CDK14: variants seen among roughly 807,000 people sequenced by gnomAD.
The protein encoded by CDK14 is cyclin-dependent kinase 14.
Under a neutral mutation model 60.7 loss-of-function variants are expected in CDK14, and 34 were observed. The ratio of observed to expected loss-of-function variants is 0.56; its 90% CI spans 0.43 to 0.75. The LOEUF is 0.75. Ranked by LOEUF, CDK14 falls within the 30% of genes least tolerant of loss-of-function variation. CDK14 has a pLI of 0.00. For missense variants in CDK14, 482 were observed against 564.1 expected (o/e 0.85, Z 1.47); for synonymous variants, 197 against 203.7 (o/e 0.97, Z 0.28).
At chr7:91,035,540 T>A (rs529724818) in intron 10 of CDK14, among the ~76,000 whole-genome samples, 2 of 152,034 alleles carry the variant, frequency 1.3e-5, no homozygotes, top group East Asian at 3.9e-4. Flanking sequence ...GCATTTCCAG[T>A]CAGCCCAATG....
intron 14 of CDK14, among the ~76,000 whole-genome samples, chr7:91,195,461 C>T (rs1802506623): frequency 6.6e-6 from 1 of 152,134 alleles, no homozygotes. Flanking sequence ...CCTAAGGCGG[C>T]ATCTTTCTGA....
At chr7:90,871,837 ATATCATCTCC>A (rs1791382169) in intron 6 of CDK14, among the ~76,000 whole-genome samples, 1 of 152,222 alleles carries the variant, frequency 6.6e-6, no homozygotes, top group African/African-American at 2.4e-5. Flanking sequence ...TGGCTACATC[ATATCATCTCC>A]TGAGTTGAGT....
At chr7:91,201,875 T>C (rs1026019903) in intron 14 of CDK14, among the ~76,000 whole-genome samples, 3 of 152,240 alleles carry the variant, frequency 2.0e-5, no homozygotes, top group Non-Finnish European at 4.4e-5. Flanking sequence ...ATGCATGAAG[T>C]GCAGCTGCAG....
At chr7:90,753,106 A>C (rs1803912729) in intron 4 of CDK14, among the ~76,000 whole-genome samples, 1 of 152,190 alleles carries the variant, frequency 6.6e-6, no homozygotes, top group South Asian at 2.1e-4. Flanking sequence ...TATTGCAAAA[A>C]ATTGAGGAAG....
At chr7:90,861,683 A>G (rs34185523) in intron 5 of CDK14, among the ~76,000 whole-genome samples, 24,803 of 152,160 alleles carry the variant, frequency 0.16, 2,107 homozygotes, top group Non-Finnish European at 0.19. Context: ...GATCCTGTGG[A>G]AATGAAAAAG....
intron 4 of CDK14, among the ~76,000 whole-genome samples, chr7:90,755,177 A>G (rs1804005478): frequency 1.3e-5 from 2 of 152,232 alleles, no homozygotes. Flanking sequence ...TGTTAATTAC[A>G]GCACTATTCA....
intron 5 of CDK14, among the ~76,000 whole-genome samples, chr7:90,852,299 C>T (rs188424849): frequency 6.6e-5 from 10 of 152,260 alleles, no homozygotes; most frequent in South Asian, 6.2e-4. Context: ...AGAATAATCT[C>T]AAGCTTATTA....
chr7:90,729,347 T>TTTTG (rs1802764424), intron 3 of CDK14, among the ~76,000 whole-genome samples: 2 of 117,500 alleles, frequency 1.7e-5, no homozygotes, highest in Admixed American at 8.8e-5. Context: ...TATCAAGGTT[T>TTTTG]TTTTTTTTTT....
chr7:90,605,860 C>G (rs1799405964), intron 2 of CDK14, among the ~76,000 whole-genome samples: 1 of 152,086 alleles, frequency 6.6e-6, no homozygotes, highest in Non-Finnish European at 1.5e-5. Flanking sequence ...TTTCGAAAAC[C>G]TTTTTTCTTG....
At chr7:90,863,656 A>C (rs554049469) in intron 6 of CDK14, among the ~76,000 whole-genome samples, 1 of 121,662 alleles carries the variant, frequency 8.2e-6, no homozygotes. Flanking sequence ...TCTCAAAAGC[A>C]TGCTTATTAA....
chr7:91,205,832 A>G (rs948813744), intron 14 of CDK14, among the ~76,000 whole-genome samples: 4 of 151,898 alleles, frequency 2.6e-5, no homozygotes, highest in African/African-American at 7.3e-5. Flanking sequence ...GTCTTGCTCT[A>G]TTGCCCAGGC....
At position 91,196,141 on chromosome 7, in the gene CDK14, C is replaced by G. The variant is rs527924064; in HGVS notation, c.*29-11024C>G. Among the ~76,000 whole-genome samples the G allele has an allele frequency of 3.3e-5, 5 of 152,332 alleles. No homozygotes were observed. In the South Asian group the frequency reaches 8.3e-4, roughly 25 times the overall value. On this transcript the variant is annotated intron_variant, in intron 14 of 14. Coordinates refer to ENST00000380050, the MANE Select transcript of CDK14 (RefSeq NM_001287135.2). ...GTCCTAGCCACCTCCCCTTCCCAAT[C>G]TTGAGCTCCTTAAAGACAGCAGTGG...
At chr7:90,789,360 GTATA>G (rs955047024) in intron 4 of CDK14, among the ~76,000 whole-genome samples, 1 of 151,916 alleles carries the variant, frequency 6.6e-6, no homozygotes, top group Non-Finnish European at 1.5e-5. Flanking sequence ...ATATTTATGT[GTATA>G]TATATGTGTG....
intron 2 of CDK14, among the ~76,000 whole-genome samples, chr7:90,627,839 G>T (rs192026169): frequency 6.6e-6 from 1 of 152,190 alleles, no homozygotes; most frequent in Non-Finnish European, 1.5e-5. Flanking sequence ...AGCATTTAGC[G>T]AAATCCCTGG....
intron 5 of CDK14, among the ~76,000 whole-genome samples, chr7:90,813,766 TTAATG>T (rs1374189234): frequency 6.6e-6 from 1 of 152,008 alleles, no homozygotes; most frequent in African/African-American, 2.4e-5. Context: ...AAAAATGATC[TTAATG>T]TAATGTAATA....
At chr7:90,987,720 G>GAA (rs374565491) in intron 10 of CDK14, among the ~76,000 whole-genome samples, 1 of 148,636 alleles carries the variant, frequency 6.7e-6, no homozygotes, top group African/African-American at 2.5e-5. Context: ...AAATCACTGA[G>GAA]AAAAAAAAAA....
chr7:90,790,629 C>T lies in CDK14; in HGVS notation c.521C>T (p.Thr174Ile). 1 of 1,612,318 alleles carries T rather than the reference C, an allele frequency of 6.2e-7. No individual in the cohort carries two copies. Residue 174 changes from threonine to isoleucine, a missense_variant, in exon 5 of 15, where the codon ACA becomes ATA. By Grantham distance (89) the Thr-to-Ile change is moderately conservative (BLOSUM62 -1). Coordinates refer to ENST00000380050, the MANE Select transcript of CDK14 (RefSeq NM_001287135.2). ...ATCAGGCTGCAGGAAGAAGAAGGGACACCTTTCACAGCTATCAGGGAAGGT... is the reference window on the plus strand; with the variant it reads ...ATCAGGCTGCAGGAAGAAGAAGGGATACCTTTCACAGCTATCAGGGAAGGT... The part of the protein sequence containing the change: ...KVIRLQEEEG[T>I]PFTAIREASL...
At chr7:91,058,236 T>A (rs1266211833) in intron 11 of CDK14, among the ~76,000 whole-genome samples, 1 of 152,118 alleles carries the variant, frequency 6.6e-6, no homozygotes, top group African/African-American at 2.4e-5. Context: ...AGAATGCTTC[T>A]GATTTTTGCA....
intron 2 of CDK14, among the ~76,000 whole-genome samples, chr7:90,692,437 C>T (rs1801571966): frequency 6.6e-6 from 1 of 152,126 alleles, no homozygotes; most frequent in South Asian, 2.1e-4. Context: ...AGCTTATAAG[C>T]CACTCTGGAA....
Sources: allele counts gnomAD v4.1 joint callset (sites outside exome capture counted in the v4.1 genomes callset), GRCh38; gene constraint gnomAD v4.1.1; transcripts MANE v1.5; gene names NCBI Gene and HGNC (gene_info 2026-07-23, HGNC 2026-07-21).